Variants in DLG3 observed in about 807,000 individuals in gnomAD.
DLG3 encodes disks large homolog 3.
In DLG3, 1 loss-of-function variant was observed where a neutral mutation model predicts 64.1. The ratio of observed to expected loss-of-function variants is 0.02; its 90% CI spans 0.01 to 0.07. The LOEUF (loss-of-function observed/expected upper bound fraction) is 0.07, where lower values mean the gene tolerates loss of function less well. DLG3 is among the 10% of genes least tolerant of loss of function. The pLI is 1.00. For missense variants in DLG3, 429 were observed against 669.5 expected (o/e 0.64, Z 3.96); for synonymous variants, 245 against 259.8 (o/e 0.94, Z 0.55).
Position 70,485,935 on chromosome X carries a change from G to A in DLG3, c.1521-6172G>A, listed in dbSNP as rs780142099. ...GCATCCCTTCGAGGATATTTTTAAAGGTCACCTCTTAAACAACATTGTCTT... is the reference window on the plus strand; with the variant it reads ...GCATCCCTTCGAGGATATTTTTAAAAGTCACCTCTTAAACAACATTGTCTT... On this transcript the variant is annotated intron_variant, in intron 10 of 18. Transcript: ENST00000374360. 1.3e-3 allele frequency among the ~76,000 whole-genome samples: 146 copies of A among 111,317 alleles called. 1 individual carries two copies. The highest frequency in any genetic ancestry group is 7.0e-4 in the Non-Finnish European group (37 of 53,073).
rs2087581244 is a variant in DLG3 at position 70,502,383 on chromosome X, T to C, written c.*114T>C. 1.8e-6 allele frequency: 1 copy of C among 551,036 alleles called. No individual in the cohort carries two copies. The highest frequency in any genetic ancestry group is 3.5e-5 in the Admixed American group (1 of 28,348). 45.4% of individuals were successfully genotyped at this position (551,036 alleles called of 1,213,427 possible). On this transcript the variant is annotated 3_prime_UTR_variant, in exon 19 of 19. Coordinates refer to ENST00000374360, the MANE Select transcript of DLG3 (RefSeq NM_021120.4). ...CAAATGCTACTGTTCTTGTCCCCTT[T>C]TTTAGATATGTCAAAAAAAATTAAG...
chrX:70,481,102 C>T (rs2087146461), intron 10 of DLG3, among the ~76,000 whole-genome samples: 1 of 112,188 alleles, frequency 8.9e-6, no homozygotes, highest in Non-Finnish European at 1.9e-5. Flanking sequence ...ATCAGGGGCA[C>T]TTAATGTCTT....
At chrX:70,466,247 T>TTGTGTGTGTG (rs61083333) in intron 9 of DLG3, among the ~76,000 whole-genome samples, 133 of 84,419 alleles carry the variant, frequency 1.6e-3, no homozygotes, top group African/African-American at 5.1e-3. Flanking sequence ...TCTTGGTCAT[T>TTGTGTGTGTG]TGTGTGTGTG....
At chrX:70,466,630 G>C (rs2086892745) in intron 9 of DLG3, among the ~76,000 whole-genome samples, 1 of 109,697 alleles carries the variant, frequency 9.1e-6, no homozygotes, top group Non-Finnish European at 1.9e-5. Context: ...AGTAGAGAGG[G>C]GGTTTCACCA....
intron 12 of DLG3, chrX:70,493,544 C>G: frequency 1.0e-6 from 1 of 987,566 alleles, no homozygotes. Flanking sequence ...GTTGCCCTTC[C>G]CTCGAGAGAA....
Position 70,448,739 on chromosome X carries a change from G to A in DLG3, c.358-174G>A, listed in dbSNP as rs1349260751. Reference sequence around the variant, plus strand: ...GAAGCAAAGCAGGGATTGGTGGGGTGAGTGAGGAGCGGCCTCTTCCAGGTC... The same window carrying A: ...GAAGCAAAGCAGGGATTGGTGGGGTAAGTGAGGAGCGGCCTCTTCCAGGTC... On this transcript the variant is annotated intron_variant, in intron 1 of 18. Coordinates refer to ENST00000374360, the MANE Select transcript of DLG3 (RefSeq NM_021120.4). 19 of 972,122 alleles carry A rather than the reference G, an allele frequency of 2.0e-5. No individual in the cohort carries two copies. The Admixed American group carries it at 2.9e-4, about 15-fold the overall frequency. The allele number at this position is 972,122 out of a possible 1,213,427, so 80.1% of individuals were successfully genotyped here.
Position 70,504,748 on chromosome X carries a change from G to C in DLG3, c.*2479G>C, listed in dbSNP as rs983028598. ...AGCAGAGAACTGGGTGAGAAAAATG[G>C]CCAGAGAAAGTGACCTGCCAGCTAC... On this transcript the variant is annotated 3_prime_UTR_variant, in exon 19 of 19. Transcript: ENST00000374360. 8.9e-6 allele frequency: 1 copy of C among 112,104 alleles called. No homozygotes were observed. Among genetic ancestry groups the C allele is most frequent in the Non-Finnish European group, 1.9e-5 (1 of 53,275 alleles). 9.2% of individuals were successfully genotyped at this position (112,104 alleles called of 1,213,427 possible).
At chrX:70,453,521 A>G in intron 7 of DLG3, 116 bp from the exon 8 acceptor site, 2 of 1,075,573 alleles carry the variant, frequency 1.9e-6, no homozygotes, top group Admixed American at 2.7e-5. Flanking sequence ...GGTATCATAC[A>G]TAGGGAACCA....
At chrX:70,457,498 C>T (rs1284339844) in intron 9 of DLG3, among the ~76,000 whole-genome samples, 3 of 111,680 alleles carry the variant, frequency 2.7e-5, no homozygotes, top group African/African-American at 9.8e-5. Flanking sequence ...ATTTACCATA[C>T]AGTTTCCTCA....
intron 6 of DLG3, among the ~76,000 whole-genome samples, chrX:70,451,259 G>T: frequency 9.0e-6 from 1 of 111,303 alleles, no homozygotes; most frequent in South Asian, 3.9e-4. Context: ...CTGCCACCAT[G>T]CCTGGCTAAT....
chrX:70,451,944 A>G lies in DLG3; in HGVS notation c.1063A>G (p.Ser355Gly). The G allele has an allele frequency of 8.3e-7, 1 of 1,210,827 alleles. No individual in the cohort carries two copies. ...GYLGAVESKV[S>G]YPAPPQVPPT... ...TCTCGGGGCTGTGGAGAGCAAGGTC[A>G]GCTACCCTGCTCCTCCTCAGGTTCC... Residue 355 changes from serine (S) to glycine (G), a missense_variant, in exon 7 of 19, where the codon AGC becomes GGC. Coordinates refer to ENST00000374360, the MANE Select transcript of DLG3 (RefSeq NM_021120.4).
rs1220769042 is a variant in DLG3 at position 70,493,603 on chromosome X, A to G, written c.1773+1007A>G. On this transcript the variant is annotated intron_variant, in intron 12 of 18. Coordinates refer to ENST00000374360, the MANE Select transcript of DLG3 (RefSeq NM_021120.4). ...CTCGTGCCTGCCTGTGTGCGTGTGC[A>G]CCTGCTTATCTACAGAGTCAGGGCA... 4 of 562,911 alleles carry G rather than the reference A, an allele frequency of 7.1e-6. No individual in the cohort carries two copies. In the African/African-American group the frequency reaches 9.1e-5, roughly 13 times the overall value. 46.4% of individuals were successfully genotyped at this position (562,911 alleles called of 1,213,427 possible).
intron 9 of DLG3, chrX:70,455,028 A>T (rs2086678148): frequency 1.3e-6 from 1 of 752,656 alleles, no homozygotes; most frequent in Non-Finnish European, 1.6e-6. Flanking sequence ...TGGCCGGCTG[A>T]GGGCGGCCTC....
intron 9 of DLG3, among the ~76,000 whole-genome samples, chrX:70,472,726 T>G (rs1272638297): frequency 8.9e-6 from 1 of 112,037 alleles, no homozygotes; most frequent in Non-Finnish European, 1.9e-5. Context: ...GTCAAGAAAC[T>G]TAAATGTAGA....
rs2087590575 is a variant in DLG3 at position 70,502,862 on chromosome X, TTAGAAAA to T, written c.*595_*601del. 1 of 109,778 alleles carries T rather than the reference TTAGAAAA, an allele frequency of 9.1e-6. No homozygotes were observed. The highest frequency in any genetic ancestry group is 1.9e-5 in the Non-Finnish European group (1 of 52,765). The allele number at this position is 109,778 out of a possible 1,213,427, so 9.0% of individuals were successfully genotyped here. A position where few individuals can be genotyped will look rare whatever the true frequency, so the allele number is the denominator to read the frequency against. On this transcript the variant is annotated 3_prime_UTR_variant, in exon 19 of 19. Coordinates refer to ENST00000374360, the MANE Select transcript of DLG3 (RefSeq NM_021120.4). ...ATATATATATTCACACACATTTGGG[TTAGAAAA>T]TCTATGGAGACTTCATCAATGGTAC...
intron 1 of DLG3, among the ~76,000 whole-genome samples, chrX:70,447,201 G>C (rs1056518662): frequency 5.4e-5 from 6 of 111,450 alleles, no homozygotes; most frequent in African/African-American, 1.6e-4. Flanking sequence ...TCCTTGAGTA[G>C]GGGTGGGGGC....
chrX:70,491,208 C>T (rs183251729), intron 10 of DLG3, among the ~76,000 whole-genome samples: 1 of 112,171 alleles, frequency 8.9e-6, no homozygotes, highest in East Asian at 2.8e-4. Flanking sequence ...CCTCTGCGCC[C>T]GACCTCCTAA....
chrX:70,481,055 T>A (rs766424325), intron 10 of DLG3, among the ~76,000 whole-genome samples: 1 of 112,233 alleles, frequency 8.9e-6, no homozygotes, highest in Admixed American at 9.4e-5. Flanking sequence ...GTAGATGTGG[T>A]TAGGAAAATA....
Position 70,460,828 on chromosome X carries a change from A to C in DLG3, c.1405+6512A>C, listed in dbSNP as rs1433973280. Among the ~76,000 whole-genome samples, 3 of 111,776 alleles carry C rather than the reference A, an allele frequency of 2.7e-5. 1 individual carries two copies. The highest frequency in any genetic ancestry group is 9.8e-5 in the African/African-American group (3 of 30,768). On this transcript the variant is annotated intron_variant, in intron 9 of 18. Coordinates refer to ENST00000374360, the MANE Select transcript of DLG3 (RefSeq NM_021120.4). ...CAATCTGGACATTGCATATAACTAG[A>C]TTCATATAATATGTGACTGGCTTCT...
Sources: allele counts gnomAD v4.1 joint callset (sites outside exome capture counted in the v4.1 genomes callset), GRCh38; gene constraint gnomAD v4.1.1; transcripts MANE v1.5; gene names NCBI Gene and HGNC (gene_info 2026-07-23, HGNC 2026-07-21).